INPP5A: variants seen among roughly 807,000 people sequenced by gnomAD.
The protein encoded by INPP5A is 43 kDa inositol polyphosphate 5-phophatase.
In INPP5A, 14 loss-of-function variants were observed where a neutral mutation model predicts 65.2. The observed-to-expected ratio is 0.21, with a 90% CI of 0.14 to 0.34. The LOEUF is 0.34. INPP5A is among the 10% of genes least tolerant of loss of function. The pLI, the probability that INPP5A is intolerant of heterozygous loss-of-function variation, is 1.00. For synonymous variants in INPP5A, 207 were observed against 208.3 expected, an observed-to-expected ratio of 0.99 and a Z score of 0.05; for missense variants, 431 against 545.6, an observed-to-expected ratio of 0.79 and a Z score of 2.09.
chr10:132,615,548 T>C (rs1019599891), intron 2 of INPP5A, among the ~76,000 whole-genome samples: 5 of 151,942 alleles, frequency 3.3e-5, no homozygotes, highest in Non-Finnish European at 7.4e-5. Context: ...GGAAGTTCAC[T>C]GCGCTTGGTT....
chr10:132,625,832 C>G (rs1198909172), intron 2 of INPP5A, among the ~76,000 whole-genome samples: 2 of 141,990 alleles, frequency 1.4e-5, no homozygotes, highest in Non-Finnish European at 3.0e-5. Context: ...CAAGGGCTGG[C>G]AGGACTTCTG....
At chr10:132,760,649 C>T (rs1243120726) in intron 11 of INPP5A, among the ~76,000 whole-genome samples, 2 of 152,252 alleles carry the variant, frequency 1.3e-5, no homozygotes, top group African/African-American at 4.8e-5. Flanking sequence ...CTCTCCTTTC[C>T]TCTGTGCCCA....
chr10:132,740,028 G>A (rs1383817166), intron 9 of INPP5A, among the ~76,000 whole-genome samples: 5 of 152,230 alleles, frequency 3.3e-5, no homozygotes, highest in African/African-American at 7.2e-5. Flanking sequence ...GGACTTGCAC[G>A]TTGGGGCCGC....
At chr10:132,738,988 G>A (rs759388743) in intron 9 of INPP5A, among the ~76,000 whole-genome samples, 11 of 152,204 alleles carry the variant, frequency 7.2e-5, no homozygotes, top group Non-Finnish European at 1.0e-4. Context: ...CAGGAAGACC[G>A]TTGAGAAGAT....
intron 5 of INPP5A, among the ~76,000 whole-genome samples, chr10:132,691,569 C>T (rs1845262530): frequency 6.6e-6 from 1 of 152,256 alleles, no homozygotes; most frequent in Non-Finnish European, 1.5e-5. Flanking sequence ...ATTTGAATAC[C>T]TGTTTTACTA....
intron 1 of INPP5A, among the ~76,000 whole-genome samples, chr10:132,579,980 A>G (rs1470500540): frequency 6.8e-6 from 1 of 146,684 alleles, no homozygotes; most frequent in Non-Finnish European, 1.5e-5. Context: ...CACTCCCGAT[A>G]CTGGAGTGGA....
At chr10:132,694,051 A>G (rs1192071406) in intron 5 of INPP5A, among the ~76,000 whole-genome samples, 1 of 152,228 alleles carries the variant, frequency 6.6e-6, no homozygotes, top group Non-Finnish European at 1.5e-5. Context: ...CTTATAGGAT[A>G]CCTCATCCAG....
intron 9 of INPP5A, among the ~76,000 whole-genome samples, chr10:132,737,856 A>G (rs906150638): frequency 9.8e-5 from 15 of 152,370 alleles, no homozygotes; most frequent in Admixed American, 5.2e-4. Flanking sequence ...TATGACATCA[A>G]CTGAAAATAA....
intron 11 of INPP5A, among the ~76,000 whole-genome samples, chr10:132,755,046 CAT>C (rs1491530841): frequency 6.7e-6 from 1 of 149,402 alleles, no homozygotes; most frequent in Admixed American, 6.7e-5. Flanking sequence ...TGATCGTATG[CAT>C]GTGTGTGATC....
In INPP5A at chr10:132,538,122, G is replaced by C. The variant is rs1477627098; in HGVS notation, c.26G>C (p.Gly9Ala). 8.0e-7 allele frequency: 1 copy of C among 1,242,676 alleles called. No individual in the cohort carries two copies. Among genetic ancestry groups the C allele is most frequent in the Admixed American group, 4.0e-5 (1 of 24,996 alleles). 77.0% of individuals were successfully genotyped at this position (1,242,676 alleles called of 1,614,324 possible). The change falls in exon 1 of 16, where the codon GGC becomes GCC. Residue 9 changes from glycine (G) to alanine (A), a missense_variant. Transcript: ENST00000368594. This position sits in a 1 kb window ranked among gnomAD's most constrained non-coding sequence, Gnocchi z 4.1. MAGKAAAPGTAVLLVTANV... is the reference protein window; with the variant it reads MAGKAAAPATAVLLVTANV... The stretch of plus-strand genomic sequence containing the variant: ...ATGGCGGGGAAGGCGGCCGCCCCGG[G>C]CACCGCGGTGCTGCTGGTCACGGCC...
chr10:132,693,562 A>G (rs1202608299), intron 5 of INPP5A, among the ~76,000 whole-genome samples: 1 of 152,220 alleles, frequency 6.6e-6, no homozygotes, highest in Non-Finnish European at 1.5e-5. Context: ...CATCAAATAC[A>G]TATATTAGAA....
chr10:132,645,294 C>T (rs146348618), intron 2 of INPP5A, among the ~76,000 whole-genome samples: 380 of 152,294 alleles, frequency 2.5e-3, no homozygotes, highest in African/African-American at 8.5e-3. Flanking sequence ...AGTGGCCTTG[C>T]GTGAGTTGCT....
At chr10:132,761,931 A>G (rs1705811842) in intron 11 of INPP5A, among the ~76,000 whole-genome samples, 1 of 152,258 alleles carries the variant, frequency 6.6e-6, no homozygotes, top group African/African-American at 2.4e-5. Context: ...AATTAGAAAC[A>G]TAAGTACCAC....
intron 9 of INPP5A, among the ~76,000 whole-genome samples, chr10:132,728,838 G>C (rs2134587246): frequency 6.6e-6 from 1 of 152,336 alleles, no homozygotes; most frequent in African/African-American, 2.4e-5. Context: ...GAGCCTCCCT[G>C]GTGAAGGGAG....
chr10:132,745,865 G>A (rs952852400), intron 9 of INPP5A, among the ~76,000 whole-genome samples: 2 of 151,878 alleles, frequency 1.3e-5, no homozygotes, highest in African/African-American at 4.8e-5. Flanking sequence ...TGGTGGCCTC[G>A]GGTGTGGTGG....
chr10:132,665,897 A>C (rs1165191746), intron 4 of INPP5A, among the ~76,000 whole-genome samples: 1 of 152,080 alleles, frequency 6.6e-6, no homozygotes. Context: ...TCTACTGAAA[A>C]TACAAAAATT....
intron 4 of INPP5A, among the ~76,000 whole-genome samples, chr10:132,653,751 C>T (rs572171473): frequency 5.9e-5 from 9 of 152,340 alleles, no homozygotes; most frequent in Non-Finnish European, 1.3e-4. Context: ...ATGTGAAAAG[C>T]TAGAACCTTC....
intron 2 of INPP5A, among the ~76,000 whole-genome samples, chr10:132,610,403 G>T (rs978886776): frequency 1.3e-5 from 2 of 152,242 alleles, no homozygotes; most frequent in African/African-American, 4.8e-5. Flanking sequence ...AGTAGGGGTT[G>T]CCCCGGGCCT....
chr10:132,569,153 T>G (rs1361388228), intron 1 of INPP5A, among the ~76,000 whole-genome samples: 1 of 152,142 alleles, frequency 6.6e-6, no homozygotes. Flanking sequence ...TGAAATTATT[T>G]TAAACATTGA....
Sources: gnomAD v4.1 joint callset for allele counts (sites outside exome capture counted in the v4.1 genomes callset) on GRCh38, gnomAD v4.1.1 for gene constraint, Gnocchi (gnomAD v3.1) non-coding constraint, MANE v1.5 for transcripts, NCBI Gene and HGNC (gene_info 2026-07-23, HGNC 2026-07-21) for gene names.